The following SYNE2 variants were observed in gnomAD, a reference collection of about 807,000 sequenced individuals.
SYNE2 encodes nesprin-2.
In SYNE2, 431 loss-of-function variants were observed where a neutral mutation model predicts 856.3. The ratio of observed to expected loss-of-function variants is 0.50; its 90% CI spans 0.47 to 0.55. The LOEUF (loss-of-function observed/expected upper bound fraction) is 0.55, where lower values mean the gene tolerates loss of function less well. Among genes scored for constraint, SYNE2 ranks in the 20% least tolerant of loss-of-function variants. SYNE2 has a pLI of 0.00. For synonymous variants in SYNE2, 2,923 were observed against 2,872.3 expected (o/e 1.02, Z -0.56); for missense variants, 8,129 against 8,023.2 (o/e 1.01, Z -0.50).
At chr14:63,872,434 A>C (rs1056351412) in intron 1 of SYNE2, among the ~76,000 whole-genome samples, 1 of 21,714 alleles carries the variant, frequency 4.6e-5, no homozygotes, top group Non-Finnish European at 1.5e-4. Context: ...CACCATCTCA[A>C]AAAAAAAAAA....
chr14:64,187,035 AT>A (rs1435159969), intron 97 of SYNE2, among the ~76,000 whole-genome samples: 1 of 152,196 alleles, frequency 6.6e-6, no homozygotes, highest in Middle Eastern at 3.2e-3. Context: ...CAGGAACCTG[AT>A]GTTTATTTCA....
At chr14:63,763,387 C>G (rs1019842433) in intron 1 of SYNE2, among the ~76,000 whole-genome samples, 1 of 151,956 alleles carries the variant, frequency 6.6e-6, no homozygotes, top group Admixed American at 6.6e-5. Flanking sequence ...ATCATTTATA[C>G]TTTATTTTGT....
chr14:63,818,275 C>T (rs147748413), intron 1 of SYNE2, among the ~76,000 whole-genome samples: 5,168 of 143,450 alleles, frequency 0.036, 183 homozygotes, highest in African/African-American at 0.089. Context: ...GTGGAGGTTG[C>T]AGTGAGCTGA....
chr14:64,176,504 G>A (rs1255976), intron 95 of SYNE2, among the ~76,000 whole-genome samples: 64,939 of 152,004 alleles, frequency 0.43, 14,208 homozygotes, highest in African/African-American at 0.53. Flanking sequence ...GTGGTGAGAA[G>A]TGGAAAGTGA....
rs547718754 is a variant in SYNE2, at chr14:64,183,061, C to T, written c.17557-3363C>T. On this transcript the variant is annotated intron_variant, in intron 96 of 115. Transcript: ENST00000555002. ...GGACGGGGCGGCTGCTGGGCGGAGA[C>T]GCTCCTCACTTCCCGGACGGGGCGG... Among the ~76,000 whole-genome samples the T allele has an allele frequency of 1.8e-4, 26 of 145,978 alleles. No homozygotes were observed. In the South Asian group the frequency reaches 4.3e-3, roughly 24 times the overall value.
rs746717259 is a variant in SYNE2 at position 64,225,461 on chromosome 14, G to A, written c.20659G>A (p.Ala6887Thr). Residue 6887 changes from alanine to threonine, a missense_variant, in exon 116 of 116, where the codon GCC becomes ACC. This residue lies in a region of SYNE2 where 5,410 missense variants were observed against 5,284.8 expected (regional missense o/e 1.02). Transcript: ENST00000555002. ...SSEEDYSCTQ[A>T]NNFARSFYPM... ...CGAAGAAGACTACAGCTGCACTCAG[G>A]CCAACAACTTTGCCCGGTCCTTTTA... 9.3e-6 allele frequency: 15 copies of A among 1,614,178 alleles called. No individual in the cohort carries two copies. In the East Asian group the frequency reaches 3.1e-4, roughly 34 times the overall value.
chr14:64,129,350 C>G (rs1269623266), intron 74 of SYNE2, among the ~76,000 whole-genome samples: 1 of 152,066 alleles, frequency 6.6e-6, no homozygotes, highest in Non-Finnish European at 1.5e-5. Flanking sequence ...AAGGATGGAC[C>G]CAGCAGCTCT....
chr14:64,063,688 C>T (rs1475859454), intron 50 of SYNE2, among the ~76,000 whole-genome samples: 10 of 152,202 alleles, frequency 6.6e-5, no homozygotes, highest in Non-Finnish European at 2.9e-5. Flanking sequence ...TCTAAATCAT[C>T]TGTAGTTAAC....
At chr14:64,007,674 T>G (rs541235260) in intron 31 of SYNE2, among the ~76,000 whole-genome samples, 1 of 152,132 alleles carries the variant, frequency 6.6e-6, no homozygotes, top group East Asian at 1.9e-4. Flanking sequence ...CCTATGTGTT[T>G]GAGACCAGCC....
chr14:63,804,759 G>A (rs1019379729), intron 1 of SYNE2, among the ~76,000 whole-genome samples: 1 of 152,182 alleles, frequency 6.6e-6, no homozygotes, highest in Non-Finnish European at 1.5e-5. Flanking sequence ...CTCCCAAAGT[G>A]CTGTGATTAC....
At chr14:63,767,298 T>G (rs980948941) in intron 1 of SYNE2, among the ~76,000 whole-genome samples, 15 of 151,756 alleles carry the variant, frequency 9.9e-5, no homozygotes, top group Non-Finnish European at 1.9e-4. Flanking sequence ...TTAGTAGGGA[T>G]GGGGTTTCAC....
chr14:64,001,098 G>A (rs2096751098), intron 28 of SYNE2, among the ~76,000 whole-genome samples: 1 of 152,118 alleles, frequency 6.6e-6, no homozygotes, highest in African/African-American at 2.4e-5. Context: ...TACATAGGTT[G>A]TGTATCCCCA....
chr14:64,164,868 GTTT>G (rs939471979), intron 89 of SYNE2, among the ~76,000 whole-genome samples: 20 of 150,404 alleles, frequency 1.3e-4, no homozygotes, highest in South Asian at 4.3e-4. Context: ...TTTATTTTTT[GTTT>G]TTTTTTGTTT....
Position 63,954,753 on chromosome 14 carries a change from A to T in SYNE2, c.625A>T (p.Ser209Cys), listed in dbSNP as rs1461265761. ...ESVNVTDFKS[S>C]WRNGMAFLAI... ...TGTCAATGTGACCGATTTTAAGTCA[A>T]GTTGGAGAAATGGGATGGCTTTTTT... Residue 209 changes from serine (S) to cysteine (C), a missense_variant, in exon 8 of 116, where the codon AGT (serine) becomes TGT (cysteine). Ser to Cys is a moderately radical substitution (Grantham distance 112). Coordinates refer to ENST00000555002, the MANE Select transcript of SYNE2 (RefSeq NM_182914.3). 1 of 1,613,954 alleles carries T rather than the reference A, an allele frequency of 6.2e-7. No homozygotes were observed. The highest frequency in any genetic ancestry group is 1.7e-5 in the Admixed American group (1 of 59,994).
intron 11 of SYNE2, among the ~76,000 whole-genome samples, chr14:63,970,432 C>G (rs1242515039): frequency 1.3e-5 from 2 of 151,918 alleles, no homozygotes. Flanking sequence ...CAAGCAATGC[C>G]CCTGAATTAG....
chr14:63,764,098 A>C (rs755465128), intron 1 of SYNE2, among the ~76,000 whole-genome samples: 4 of 152,246 alleles, frequency 2.6e-5, no homozygotes, highest in Non-Finnish European at 5.9e-5. Flanking sequence ...GCATCAGTCC[A>C]GGAGAATTAA....
chr14:63,818,610 A>G (rs1190575056), intron 1 of SYNE2, among the ~76,000 whole-genome samples: 1 of 152,114 alleles, frequency 6.6e-6, no homozygotes, highest in African/African-American at 2.4e-5. Context: ...TAAAACATAC[A>G]GATAATATCA....
intron 1 of SYNE2, among the ~76,000 whole-genome samples, chr14:63,798,485 C>A (rs1233639969): frequency 1.3e-5 from 2 of 151,674 alleles, no homozygotes; most frequent in African/African-American, 4.9e-5. Context: ...CCTCCGCCTC[C>A]TAGGCTCAAG....
chr14:64,026,483 A>G (rs1021263772), intron 41 of SYNE2, 96 bp from the exon 42 acceptor site: 15 of 967,766 alleles, frequency 1.5e-5, no homozygotes, highest in Non-Finnish European at 2.1e-5. Flanking sequence ...TACCCTACAG[A>G]TAGAATCTCT....
Sources: allele counts gnomAD v4.1 joint callset (sites outside exome capture counted in the v4.1 genomes callset), GRCh38; gene constraint gnomAD v4.1.1; regional missense constraint gnomAD v4.1.1; transcripts MANE v1.5; gene names NCBI Gene and HGNC (gene_info 2026-07-23, HGNC 2026-07-21).